The following BICRA variants were observed in gnomAD, a reference collection of about 807,000 sequenced individuals.
The protein encoded by BICRA is BRD4-interacting chromatin-remodeling complex-associated protein.
BICRA carries 31 observed loss-of-function variants against 96.9 expected under a neutral mutation model. The ratio of observed to expected loss-of-function variants is 0.32; its 90% CI spans 0.24 to 0.43. The LOEUF (loss-of-function observed/expected upper bound fraction) is 0.43. Among genes scored for constraint, BICRA ranks in the 20% least tolerant of loss-of-function variants. The pLI is 1.00. For missense variants in BICRA, 2,283 were observed against 2,190.3 expected, an observed-to-expected ratio of 1.04 and a Z score of -0.84; for synonymous variants, 1,350 against 1,071.8, an observed-to-expected ratio of 1.26 and a Z score of -5.07.
At chr19:47,671,874 AGGATGGAGGGATGGGTAGGTAGAT>A (rs1972867836) in intron 2 of BICRA, among the ~76,000 whole-genome samples, 1 of 123,038 alleles carries the variant, frequency 8.1e-6, no homozygotes, top group Admixed American at 9.2e-5. Flanking sequence ...GATGAGTGGA[AGGATGGAGGGATGGGTAGGTAGAT>A]GGATGGAGAG....
At position 47,680,253 on chromosome 19, in the gene BICRA, C is replaced by A; in HGVS notation, c.1083C>A (p.Pro361=). 2 of 1,561,902 alleles carry A rather than the reference C, an allele frequency of 1.3e-6. No individual in the cohort carries two copies. The highest frequency in any genetic ancestry group is 2.4e-5 in the East Asian group (1 of 41,642). The change falls in exon 6 of 15, where the codon CCC becomes CCA. Residue 361 remains proline, a synonymous_variant. Transcript: ENST00000594866. ...IQPKPAGVLP[P]KLYQLTPKPF... ...CCAAGCCCGCGGGGGTGCTGCCGCC[C>A]AAGCTCTACCAGCTGACGCCCAAGC...
At chr19:47,617,279 T>C (rs1436867757) in intron 1 of BICRA, among the ~76,000 whole-genome samples, 1 of 152,118 alleles carries the variant, frequency 6.6e-6, no homozygotes, top group East Asian at 1.9e-4. Flanking sequence ...CTGGCCGTCT[T>C]TGTTTATTAT....
intron 1 of BICRA, among the ~76,000 whole-genome samples, chr19:47,633,931 G>A (rs943909101): frequency 2.6e-5 from 4 of 152,202 alleles, no homozygotes; most frequent in Non-Finnish European, 5.9e-5. Context: ...CGTTCTGTGC[G>A]TTCACCCTGT....
rs1973436440 is a variant in BICRA at position 47,701,237 on chromosome 19, G to A, written c.3596-91G>A. 4 of 838,920 alleles carry A rather than the reference G, an allele frequency of 4.8e-6. No homozygotes were observed. The highest frequency in any genetic ancestry group is 1.4e-5 in the South Asian group (1 of 69,570). The allele number at this position is 838,920 out of a possible 1,614,324, so 52.0% of individuals were successfully genotyped here. On this transcript the variant is annotated intron_variant, in intron 14 of 14. Coordinates refer to ENST00000594866, the MANE Select transcript of BICRA (RefSeq NM_001394372.1). The surrounding 1 kb of genome is among the most constrained non-coding windows in gnomAD (Gnocchi z 5.4). ...CAGGGTGCAGTCTGGTGCCTGGCAG[G>A]TAGTAGGTGCTCACTGCACACAGCT...
chr19:47,660,168 C>G (rs776524479), intron 1 of BICRA, among the ~76,000 whole-genome samples: 1 of 151,826 alleles, frequency 6.6e-6, no homozygotes, highest in Non-Finnish European at 1.5e-5. Flanking sequence ...AGCTGTGCTC[C>G]CTCAGGAGGC....
At chr19:47,690,335 G>T (rs576428712) in intron 7 of BICRA, among the ~76,000 whole-genome samples, 2 of 152,190 alleles carry the variant, frequency 1.3e-5, no homozygotes, top group Non-Finnish European at 2.9e-5. Context: ...ACATATGCAG[G>T]TCTGTTTACT....
chr19:47,637,532 G>A (rs1034578786), intron 1 of BICRA, among the ~76,000 whole-genome samples: 6 of 152,166 alleles, frequency 3.9e-5, no homozygotes, highest in Non-Finnish European at 8.8e-5. Context: ...CTCCTGCCTT[G>A]TTGAGACACA....
Position 47,625,991 on chromosome 19 carries a change from G to A in BICRA, c.-108+16823G>A, listed in dbSNP as rs79715529. 5.6e-3 allele frequency among the ~76,000 whole-genome samples: 852 copies of A among 152,162 alleles called. 11 individuals carry two copies. The highest frequency in any genetic ancestry group is 0.035 in the South Asian group (170 of 4,822). On this transcript the variant is annotated intron_variant, in intron 1 of 14. Coordinates refer to ENST00000594866, the MANE Select transcript of BICRA (RefSeq NM_001394372.1). ...GTGGTTCTTAATTTGGGGTAAGAGG[G>A]AGCTCCAGTCCTTTTAGGAATCTGC...
Position 47,695,348 on chromosome 19 carries a change from A to T in BICRA, c.3077-17A>T. Reference sequence around the variant, plus strand: ...AGTGACCGCAGGCCCTGTCTCCCCCACCCCACCCACCCCCAGGCCTCCCTC... The same window carrying T: ...AGTGACCGCAGGCCCTGTCTCCCCCTCCCCACCCACCCCCAGGCCTCCCTC... On this transcript the variant is annotated splice_polypyrimidine_tract_variant and intron_variant, in intron 9 of 14. Transcript: ENST00000594866. The T allele has an allele frequency of 2.5e-5, 9 of 364,998 alleles. No individual in the cohort carries two copies. Among genetic ancestry groups the T allele is most frequent in the East Asian group, 4.1e-5 (1 of 24,214 alleles). The allele number at this position is 364,998 out of a possible 1,614,324, so 22.6% of individuals were successfully genotyped here. A position where few individuals can be genotyped will look rare whatever the true frequency, so the allele number is the denominator to read the frequency against.
At chr19:47,615,442 G>C (rs1179287569) in intron 1 of BICRA, among the ~76,000 whole-genome samples, 1 of 152,172 alleles carries the variant, frequency 6.6e-6, no homozygotes, top group Non-Finnish European at 1.5e-5. Context: ...TATGGCCTGC[G>C]TCATGTGCTT....
In BICRA at chr19:47,644,296, A is replaced by G. The variant is rs529426893; in HGVS notation, c.-107-26147A>G. 1.8e-4 allele frequency among the ~76,000 whole-genome samples: 28 copies of G among 151,848 alleles called. No individual in the cohort carries two copies. The East Asian group carries it at 5.4e-3, about 29-fold the overall frequency. Reference sequence around the variant, plus strand: ...TGCCTCAGGCTCCCACGGTGTTGGGATTACAGGTGTGAGCCACTGCACCTG... The same window carrying G: ...TGCCTCAGGCTCCCACGGTGTTGGGGTTACAGGTGTGAGCCACTGCACCTG... On this transcript the variant is annotated intron_variant, in intron 1 of 14. Transcript: ENST00000594866.
intron 7 of BICRA, among the ~76,000 whole-genome samples, chr19:47,693,062 T>A (rs1973264484): frequency 6.6e-6 from 1 of 152,192 alleles, no homozygotes; most frequent in South Asian, 2.1e-4. Context: ...TAGGGAGAGA[T>A]CACACAAATG....
intron 1 of BICRA, among the ~76,000 whole-genome samples, chr19:47,661,141 G>T: frequency 7.0e-6 from 1 of 142,996 alleles, no homozygotes; most frequent in Admixed American, 7.5e-5. Context: ...GTGAACCCGG[G>T]AGGCAGAGGT....
At chr19:47,662,123 A>C (rs1972713270) in intron 1 of BICRA, 1 of 152,350 alleles carries the variant, frequency 6.6e-6, no homozygotes, top group African/African-American at 2.4e-5. Context: ...TGTCTCAGAA[A>C]ATCAAAATAA....
Position 47,679,593 on chromosome 19 carries a change from A to G in BICRA, c.423A>G (p.Ala141=). The G allele has an allele frequency of 6.5e-7, 1 of 1,535,270 alleles. No individual in the cohort carries two copies. Among genetic ancestry groups the G allele is most frequent in the Non-Finnish European group, 8.8e-7 (1 of 1,140,594 alleles). ...LPTLQPADGG[A]GPTGAGGAAA... Reference sequence around the variant, plus strand: ...CCCTGCAGCCTGCGGATGGCGGGGCAGGCCCGACGGGCGCTGGAGGGGCAG... The same window carrying G: ...CCCTGCAGCCTGCGGATGGCGGGGCGGGCCCGACGGGCGCTGGAGGGGCAG... The change falls in exon 6 of 15, where the codon GCA becomes GCG. Residue 141 remains alanine (A), a synonymous_variant. Coordinates refer to ENST00000594866, the MANE Select transcript of BICRA (RefSeq NM_001394372.1).
rs532633992 is a variant in BICRA, at chr19:47,668,782, C to T, written c.-107-1661C>T. Among the ~76,000 whole-genome samples, 80 of 152,204 alleles carry T rather than the reference C, an allele frequency of 5.3e-4. 1 individual carries two copies. The highest frequency in any genetic ancestry group is 1.8e-3 in the African/African-American group (74 of 41,534). On this transcript the variant is annotated intron_variant, in intron 1 of 14. Transcript: ENST00000594866. ...GCCAGGATACAGGCATGAGCCACGG[C>T]GCCCGGCTGTCTTTGTGCTTCTTAT...
At chr19:47,637,087 C>T (rs1360041851) in intron 1 of BICRA, among the ~76,000 whole-genome samples, 1 of 152,002 alleles carries the variant, frequency 6.6e-6, no homozygotes, top group African/African-American at 2.4e-5. Flanking sequence ...TTTTGACATG[C>T]CATCTATTTT....
rs1038321126 is a variant in BICRA, at chr19:47,701,896, C to T, written c.4164C>T (p.Arg1388=). ...CGCACTGCCCGCGCCTGCCACTGCG[C>T]AAGACCTACCGCGAGAACGTGGGGG... is the stretch of plus-strand genomic sequence containing the variant. ...TAPHCPRLPL[R]KTYRENVGGP... is the part of the protein sequence containing the mutation. Residue 1388 remains arginine, a synonymous_variant, in exon 15 of 15, where the codon CGC becomes CGT. Transcript: ENST00000594866. The surrounding 1 kb of genome is among the most constrained non-coding windows in gnomAD (Gnocchi z 5.4). 1.4e-6 allele frequency: 2 copies of T among 1,451,820 alleles called. No individual in the cohort carries two copies. Among genetic ancestry groups the T allele is most frequent in the Admixed American group, 5.5e-5 (2 of 36,194 alleles). 89.9% of individuals were successfully genotyped at this position (1,451,820 alleles called of 1,614,324 possible).
At chr19:47,623,867 C>T (rs557167075) in intron 1 of BICRA, among the ~76,000 whole-genome samples, 2 of 145,636 alleles carry the variant, frequency 1.4e-5, no homozygotes, top group South Asian at 4.3e-4. Flanking sequence ...TTTTTTGAGA[C>T]TGAGACCGAG....
Sources: allele counts gnomAD v4.1 joint callset (sites outside exome capture counted in the v4.1 genomes callset), GRCh38; gene constraint gnomAD v4.1.1; non-coding constraint Gnocchi (gnomAD v3.1); transcripts MANE v1.5; gene names NCBI Gene and HGNC (gene_info 2026-07-23, HGNC 2026-07-21).